MACF1: variants seen among roughly 807,000 people sequenced by gnomAD.
MACF1 encodes microtubule-actin cross-linking factor 1.
A neutral mutation model predicts 854.8 loss-of-function variants in MACF1; 193 were observed. The ratio of observed to expected loss-of-function variants is 0.23; its 90% CI spans 0.20 to 0.25. The LOEUF is 0.25. Among genes scored for constraint, MACF1 ranks in the 10% least tolerant of loss-of-function variants. The pLI, the probability that MACF1 is intolerant of heterozygous loss-of-function variation, is 1.00. For missense variants in MACF1, 7,722 were observed against 8,929.1 expected (o/e 0.86, Z 5.45); for synonymous variants, 3,185 against 3,226.7 (o/e 0.99, Z 0.44).
chr1:39,146,759 G>A (rs1470057193), intron 2 of MACF1, among the ~76,000 whole-genome samples: 1 of 152,014 alleles, frequency 6.6e-6, no homozygotes, highest in East Asian at 1.9e-4. Context: ...AAAATAAAAA[G>A]ACTAAATAAA....
intron 72 of MACF1, among the ~76,000 whole-genome samples, chr1:39,440,665 T>C (rs1476742735): frequency 1.3e-5 from 2 of 152,190 alleles, no homozygotes; most frequent in African/African-American, 4.8e-5. Flanking sequence ...TTGTGACTTG[T>C]ACTGTGTTAT....
chr1:39,269,888 G>A (rs1453182966), intron 6 of MACF1, among the ~76,000 whole-genome samples: 1 of 152,206 alleles, frequency 6.6e-6, no homozygotes, highest in African/African-American at 2.4e-5. Context: ...TTTCAGGTCT[G>A]CCCCTTGATG....
intron 1 of MACF1, among the ~76,000 whole-genome samples, chr1:39,223,609 G>C (rs904392881): frequency 2.6e-5 from 4 of 151,894 alleles, no homozygotes; most frequent in African/African-American, 9.7e-5. Flanking sequence ...CCGCCTCCTG[G>C]GTTCAAGTGA....
At chr1:39,113,741 A>G (rs1017115032) in intron 2 of MACF1, among the ~76,000 whole-genome samples, 5 of 152,332 alleles carry the variant, frequency 3.3e-5, no homozygotes, top group Non-Finnish European at 5.9e-5. Flanking sequence ...CAAGCAAAAA[A>G]GATCCCATCC....
At chr1:39,195,667 A>G (rs1644310196) in intron 2 of MACF1, among the ~76,000 whole-genome samples, 1 of 152,226 alleles carries the variant, frequency 6.6e-6, no homozygotes, top group African/African-American at 2.4e-5. Flanking sequence ...TAGGAGTTTA[A>G]TATCTGGAGA....
intron 38 of MACF1, 87 bp downstream of exon 38, chr1:39,337,418 C>T (rs1342465348): frequency 7.4e-7 from 1 of 1,345,040 alleles, no homozygotes; most frequent in Non-Finnish European, 1.0e-6. Context: ...TTACTAGAAC[C>T]TGCTTGCACT....
intron 30 of MACF1, among the ~76,000 whole-genome samples, chr1:39,318,984 T>G (rs778164499): frequency 1.3e-5 from 2 of 151,834 alleles, no homozygotes; most frequent in Non-Finnish European, 2.9e-5. Flanking sequence ...TGAAAATGAT[T>G]TATTTTAAGC....
chr1:39,310,896 G>A lies in MACF1; in HGVS notation c.3166G>A (p.Glu1056Lys), dbSNP rs1646286691. 6.2e-7 allele frequency: 1 copy of A among 1,614,052 alleles called. No homozygotes were observed. The highest frequency in any genetic ancestry group is 1.1e-5 in the South Asian group (1 of 91,082). ...GTTGAAGAACATCCGGCTACGCCTG[G>A]AGGAGTATGAACAGAGGGTGGTCAA... ...SELKNIRLRL[E>K]EYEQRVVKRI... Residue 1056 changes from glutamate (E) to lysine (K), a missense_variant, in exon 26 of 101, where the codon GAG becomes AAG. Glu to Lys is a moderately conservative substitution (Grantham distance 56). Around this residue, in one of 15 missense-constraint regions of MACF1, gnomAD observed 1,137 missense variants for 1,263.0 expected, o/e 0.90. Coordinates refer to ENST00000564288, the MANE Select transcript of MACF1 (RefSeq NM_001394062.1).
chr1:39,270,128 G>A (rs1336350575), intron 6 of MACF1, among the ~76,000 whole-genome samples: 1 of 152,234 alleles, frequency 6.6e-6, no homozygotes, highest in Non-Finnish European at 1.5e-5. Flanking sequence ...AATAAATGTG[G>A]AAGGGGTCAG....
chr1:39,310,941 A>G lies in MACF1; in HGVS notation c.3211A>G (p.Ser1071Gly). Reference sequence around the variant, plus strand: ...GGTCAAACGAATTCAGTCTCTAGCCAGCTCTAGGACTGACAGAGATGCCTG... The same window carrying G: ...GGTCAAACGAATTCAGTCTCTAGCCGGCTCTAGGACTGACAGAGATGCCTG... ...RVVKRIQSLA[S>G]SRTDRDAWQD... Residue 1071 changes from serine to glycine, a missense_variant, in exon 26 of 101, where the codon AGC (serine) becomes GGC (glycine). By Grantham distance (56) the Ser-to-Gly change is moderately conservative. Transcript: ENST00000564288. 1.2e-6 allele frequency: 2 copies of G among 1,614,228 alleles called. No homozygotes were observed. The highest frequency in any genetic ancestry group is 1.7e-6 in the Non-Finnish European group (2 of 1,180,026).
At chr1:39,124,037 A>G (rs896271861) in intron 2 of MACF1, among the ~76,000 whole-genome samples, 6 of 147,058 alleles carry the variant, frequency 4.1e-5, no homozygotes, top group Non-Finnish European at 7.5e-5. Flanking sequence ...ACTGCACCCG[A>G]CCAATTCTTG....
intron 87 of MACF1, among the ~76,000 whole-genome samples, chr1:39,453,066 A>T (rs749204064): frequency 6.6e-6 from 1 of 152,218 alleles, no homozygotes; most frequent in African/African-American, 2.4e-5. Flanking sequence ...TAAACATGGT[A>T]TTAAGAAAAA....
chr1:39,156,504 A>G (rs1249945537), intron 2 of MACF1, among the ~76,000 whole-genome samples: 5 of 152,182 alleles, frequency 3.3e-5, no homozygotes, highest in Admixed American at 2.6e-4. Context: ...CTGTAGTCCC[A>G]GCTACTTGGG....
intron 83 of MACF1, 125 bp from the exon 84 acceptor site, chr1:39,448,469 G>A (rs560223101): frequency 2.6e-6 from 2 of 765,848 alleles, no homozygotes; most frequent in East Asian, 5.6e-5. Context: ...GTTAATTTTA[G>A]TTCAAAAAAA....
chr1:39,375,410 T>C (rs2148545998), intron 52 of MACF1, among the ~76,000 whole-genome samples: 1 of 152,104 alleles, frequency 6.6e-6, no homozygotes, highest in Middle Eastern at 3.4e-3. Context: ...CATGCCATTC[T>C]CCTGCCTCAG....
At chr1:39,358,175 C>G (rs992222014) in intron 45 of MACF1, among the ~76,000 whole-genome samples, 4 of 152,220 alleles carry the variant, frequency 2.6e-5, no homozygotes, top group Non-Finnish European at 5.9e-5. Flanking sequence ...TGTATCCTGA[C>G]CAGCAGACTT....
chr1:39,414,365 T>A, intron 58 of MACF1: 1 of 1,613,974 alleles, frequency 6.2e-7, no homozygotes, highest in Non-Finnish European at 8.5e-7. Context: ...TCCACTGGAA[T>A]GTGGATCAAG....
At chr1:39,358,664 T>A in intron 45 of MACF1, 33 bp from the exon 46 acceptor site, 1 of 1,608,484 alleles carries the variant, frequency 6.2e-7, no homozygotes, top group Non-Finnish European at 8.5e-7. Context: ...CTGACCTTGC[T>A]TAAGTCTGCT....
intron 22 of MACF1, among the ~76,000 whole-genome samples, chr1:39,301,102 G>A (rs1646030645): frequency 6.6e-6 from 1 of 152,098 alleles, no homozygotes; most frequent in African/African-American, 2.4e-5. Context: ...CCACCAGCAT[G>A]TTCTTTTTTT....
Sources: allele counts gnomAD v4.1 joint callset (sites outside exome capture counted in the v4.1 genomes callset), GRCh38; gene constraint gnomAD v4.1.1; regional missense constraint gnomAD v4.1.1; transcripts MANE v1.5; gene names NCBI Gene and HGNC (gene_info 2026-07-23, HGNC 2026-07-21).